The following PIEZO1 variants were observed in gnomAD, a reference collection of about 807,000 sequenced individuals.
PIEZO1 encodes the protein piezo type mechanosensitive ion channel component 1 (Er blood group).
Under a neutral mutation model 297.2 loss-of-function variants are expected in PIEZO1, and 296 were observed. The ratio of observed to expected loss-of-function variants is 1.00; its 90% confidence interval spans 0.91 to 1.10. PIEZO1 has a LOEUF of 1.10. Among genes scored for constraint, PIEZO1 ranks in the 50% least tolerant of loss-of-function variants. PIEZO1 has a pLI of 0.00. For synonymous variants in PIEZO1, 2,427 were observed against 1,507.5 expected, an observed-to-expected ratio of 1.61 and a Z score of -14.13; for missense variants, 5,018 against 3,455.5, an observed-to-expected ratio of 1.45 and a Z score of -11.34.
At chr16:88,742,017 A>G (rs760381626) in intron 4 of PIEZO1, 36 bp downstream of exon 4, 64 of 1,533,086 alleles carry the variant, frequency 4.2e-5, no homozygotes, top group Non-Finnish European at 5.3e-5. Flanking sequence ...TCCCCAAGGG[A>G]GGCTTGCTGG....
intron 2 of PIEZO1, among the ~76,000 whole-genome samples, chr16:88,746,042 T>C (rs901730793): frequency 1.3e-5 from 2 of 150,260 alleles, no homozygotes; most frequent in African/African-American, 4.8e-5. Context: ...GTCTGATCCG[T>C]GGGGTGTGCA....
chr16:88,738,971 C>G (rs933550559), intron 5 of PIEZO1: 5 of 579,456 alleles, frequency 8.6e-6, no homozygotes, highest in Non-Finnish European at 1.5e-5. Flanking sequence ...TAGCAGCTCC[C>G]ACCCTGGCCG....
At chr16:88,716,159 C>A in intron 49 of PIEZO1, 39 bp downstream of exon 49, 1 of 1,521,004 alleles carries the variant, frequency 6.6e-7, no homozygotes, top group Admixed American at 2.0e-5. Context: ...CGCAGGTCAC[C>A]CCTCTCTAGC....
At position 88,720,679 on chromosome 16, in the gene PIEZO1, G is replaced by C; in HGVS notation, c.5738C>G (p.Pro1913Arg). Residue 1913 changes from proline to arginine, a missense_variant, in exon 40 of 51, where the codon CCA becomes CGA. Physicochemically the swap from Pro to Arg is moderately radical, Grantham distance 103. Transcript: ENST00000301015. ...KEAPTGREKR[P>R]SRSGGRVRAA... is the part of the protein sequence containing the mutation. ...CCTTACTCTTCCTCCAGAGCGGCTTGGCCTCTTCTCTCTCCCCGTGGGGGC... is the reference window on the plus strand; with the variant it reads ...CCTTACTCTTCCTCCAGAGCGGCTTCGCCTCTTCTCTCTCCCCGTGGGGGC... 1.3e-6 allele frequency: 2 copies of C among 1,545,078 alleles called. No homozygotes were observed. The highest frequency in any genetic ancestry group is 1.7e-6 in the Non-Finnish European group (2 of 1,144,546).
rs368108799 is a variant in PIEZO1 at position 88,766,047 on chromosome 16, G to A, written c.65-16568C>T. ...AGACATCACATGCGAGTCAGCGCAC[G>A]GCTGTGTTCTCAGTCGGCAGCGTGG... On this transcript the variant is annotated intron_variant, in intron 1 of 50. Coordinates refer to ENST00000301015, the MANE Select transcript of PIEZO1 (RefSeq NM_001142864.4). Among the ~76,000 whole-genome samples the A allele has an allele frequency of 9.8e-5, 15 of 152,318 alleles. No homozygotes were observed. In the South Asian group the frequency reaches 2.1e-3, roughly 21 times the overall value.
At chr16:88,724,217 G>T (rs1904308895) in intron 30 of PIEZO1, among the ~76,000 whole-genome samples, 1 of 152,244 alleles carries the variant, frequency 6.6e-6, no homozygotes, top group South Asian at 2.1e-4. Context: ...GGAAAACCCA[G>T]GAGGCTGTGT....
In PIEZO1 at chr16:88,721,930, T is replaced by G. The variant is rs1912490055; in HGVS notation, c.5092A>C (p.Asn1698His). The change falls in exon 37 of 51, where the codon AAC (asparagine) becomes CAC (histidine). Residue 1698 changes from asparagine to histidine, a missense_variant. Asn to His is a moderately conservative substitution (Grantham distance 68). Transcript: ENST00000301015. ...CCGGCGGAGGCCGTGACCATGTGGT[T>G]GAGGATGATGATGAAGTAGCAGAGC... ...ELLCYFIIIL[N>H]HMVTASAGSL... is the part of the protein sequence containing the mutation. The G allele has an allele frequency of 1.9e-6, 3 of 1,550,138 alleles. No homozygotes were observed. The highest frequency in any genetic ancestry group is 2.6e-6 in the Non-Finnish European group (3 of 1,146,804).
intron 2 of PIEZO1, among the ~76,000 whole-genome samples, chr16:88,748,703 C>T (rs573912127): frequency 2.2e-4 from 34 of 152,246 alleles, no homozygotes; most frequent in Middle Eastern, 6.8e-3. Context: ...TGACCCTCCT[C>T]GCCCCTCACA....
chr16:88,777,204 C>A (rs767008641), intron 1 of PIEZO1, among the ~76,000 whole-genome samples: 8 of 152,238 alleles, frequency 5.3e-5, no homozygotes, highest in Non-Finnish European at 1.2e-4. Flanking sequence ...AACTCCTGGC[C>A]TTGGGATCCA....
chr16:88,761,491 G>A (rs542557715), intron 1 of PIEZO1, among the ~76,000 whole-genome samples: 12 of 152,346 alleles, frequency 7.9e-5, no homozygotes, highest in African/African-American at 2.6e-4. Flanking sequence ...CAAAGCCGCC[G>A]CCTTCCGGTC....
chr16:88,736,170 G>T lies in PIEZO1; in HGVS notation c.1535C>A (p.Pro512His). 1 of 1,548,284 alleles carries T rather than the reference G, an allele frequency of 6.5e-7. No homozygotes were observed. Among genetic ancestry groups the T allele is most frequent in the East Asian group, 2.4e-5 (1 of 40,898 alleles). The change falls in exon 12 of 51, where the codon CCC becomes CAC. Residue 512 changes from proline to histidine, a missense_variant. Coordinates refer to ENST00000301015, the MANE Select transcript of PIEZO1 (RefSeq NM_001142864.4). ...CACCATGGCACCAAGGTCCAGACAG[G>T]GGTAGCGGGTGTGCTCCAGCCCCAG... is the stretch of plus-strand genomic sequence containing the variant. ...RQLGLEHTRY[P>H]CLDLGAMLLY...
At position 88,722,002 on chromosome 16, in the gene PIEZO1, G is replaced by A. The variant is rs1368699827; in HGVS notation, c.5020C>T (p.Arg1674Trp). The change falls in exon 37 of 51, where the codon CGG (arginine) becomes TGG (tryptophan). Residue 1674 changes from arginine to tryptophan, a missense_variant. By Grantham distance (101) the Arg-to-Trp change is moderately radical. Coordinates refer to ENST00000301015, the MANE Select transcript of PIEZO1 (RefSeq NM_001142864.4). ...CACTGGTACACGGCCCGCAGCAGCC[G>A]CAGCGCCCGGCCCTGCCCCTCCGCA... ...LFAEGQGRAL[R>W]LLRAVYQCVA... 46 of 1,548,978 alleles carry A rather than the reference G, an allele frequency of 3.0e-5. No individual in the cohort carries two copies. The highest frequency in any genetic ancestry group is 8.2e-5 in the African/African-American group (6 of 73,024).
At chr16:88,773,086 G>A (rs1325297641) in intron 1 of PIEZO1, among the ~76,000 whole-genome samples, 4 of 152,222 alleles carry the variant, frequency 2.6e-5, no homozygotes, top group Non-Finnish European at 4.4e-5. Flanking sequence ...GCTGTGCTCT[G>A]GAAGCAGCAA....
intron 1 of PIEZO1, among the ~76,000 whole-genome samples, chr16:88,768,774 C>A (rs1174499620): frequency 2.0e-5 from 3 of 152,258 alleles, no homozygotes; most frequent in Non-Finnish European, 2.9e-5. Context: ...CCCTTCTAGG[C>A]CTCGGCCAGT....
At position 88,716,852 on chromosome 16, in the gene PIEZO1, G is replaced by A. The variant is rs1912077866; in HGVS notation, c.6707C>T (p.Thr2236Met). The A allele has an allele frequency of 9.0e-6, 14 of 1,550,144 alleles. No homozygotes were observed. The highest frequency in any genetic ancestry group is 1.7e-4 in the Middle Eastern group (1 of 5,990). ...GGACAGCTCCTCATAGGCCTGGGCC[G>A]TGAAGGGGATGATGGACGGCTGCTG... Reference protein sequence around the residue: ...SAQQPSIIPFTAQAYEELSRQ... With the variant: ...SAQQPSIIPFMAQAYEELSRQ... Residue 2236 changes from threonine to methionine, a missense_variant, in exon 46 of 51, where the codon ACG (threonine) becomes ATG (methionine). Physicochemically the swap from Thr to Met is moderately conservative, Grantham distance 81. Coordinates refer to ENST00000301015, the MANE Select transcript of PIEZO1 (RefSeq NM_001142864.4).
intron 1 of PIEZO1, among the ~76,000 whole-genome samples, chr16:88,767,439 G>A (rs995738867): frequency 2.6e-5 from 4 of 152,132 alleles, no homozygotes; most frequent in South Asian, 2.1e-4. Context: ...CAGGAAGGAA[G>A]GGGACCAGCC....
intron 2 of PIEZO1, chr16:88,745,026 G>A (rs1208154765): frequency 6.6e-6 from 1 of 152,122 alleles, no homozygotes; most frequent in Non-Finnish European, 1.5e-5. Flanking sequence ...GGGGTCGGGT[G>A]GCTTTCTCGT....
chr16:88,783,923 G>A (rs1369324493), intron 1 of PIEZO1, among the ~76,000 whole-genome samples: 1 of 152,204 alleles, frequency 6.6e-6, no homozygotes, highest in Non-Finnish European at 1.5e-5. Flanking sequence ...CAATCAAAAG[G>A]CCCCACCTGC....
At position 88,738,634 on chromosome 16, in the gene PIEZO1, C is replaced by T; in HGVS notation, c.568G>A (p.Val190Ile). 1 of 1,535,732 alleles carries T rather than the reference C, an allele frequency of 6.5e-7. No individual in the cohort carries two copies. The highest frequency in any genetic ancestry group is 8.7e-7 in the Non-Finnish European group (1 of 1,146,752). ...RRSRLAARFRVTAHWLLVAAG... is the reference protein window; with the variant it reads ...RRSRLAARFRITAHWLLVAAG... The stretch of plus-strand genomic sequence containing the variant: ...GCCACCAGCAGCCAGTGGGCCGTGA[C>T]TCGGAAACGAGCGGCCAGCCGTGAC... Residue 190 changes from valine to isoleucine, a missense_variant, in exon 6 of 51, where the codon GTC becomes ATC. By Grantham distance (29) the Val-to-Ile change is conservative (BLOSUM62 3). Coordinates refer to ENST00000301015, the MANE Select transcript of PIEZO1 (RefSeq NM_001142864.4).
Sources: gnomAD v4.1 joint callset for allele counts (sites outside exome capture counted in the v4.1 genomes callset) on GRCh38, gnomAD v4.1.1 for gene constraint, MANE v1.5 for transcripts, NCBI Gene and HGNC (gene_info 2026-07-23, HGNC 2026-07-21) for gene names.